Variants in PDE6A observed in about 807,000 individuals in gnomAD.
PDE6A encodes the protein rod cGMP-specific 3',5'-cyclic phosphodiesterase subunit alpha.
A neutral mutation model predicts 106.3 loss-of-function variants in PDE6A; 84 were observed. That is an observed-to-expected ratio of 0.79 (90% CI 0.66 to 0.95). The LOEUF (loss-of-function observed/expected upper bound fraction) is 0.95, where lower values mean the gene tolerates loss of function less well. Ranked by LOEUF, PDE6A falls within the 40% of genes least tolerant of loss-of-function variation. PDE6A has a pLI of 0.00. For synonymous variants in PDE6A, 394 were observed against 386.6 expected (o/e 1.02, Z -0.23); for missense variants, 1,052 against 1,084.9 (o/e 0.97, Z 0.43).
chr5:149,907,280 A>G (rs763318525), intron 7 of PDE6A, 32 bp downstream of exon 7: 1 of 1,532,796 alleles, frequency 6.5e-7, no homozygotes, highest in Admixed American at 1.7e-5. Flanking sequence ...ACGTGATCCA[A>G]AACTCTCCCC....
intron 13 of PDE6A, among the ~76,000 whole-genome samples, chr5:149,888,817 C>T (rs1334604892): frequency 6.6e-6 from 1 of 151,950 alleles, no homozygotes; most frequent in Admixed American, 6.6e-5. Context: ...GGTGCGGTGG[C>T]TCACGCCTGT....
intron 8 of PDE6A, 55 bp from the exon 9 acceptor site, chr5:149,899,579 G>C: frequency 6.4e-7 from 1 of 1,555,126 alleles, no homozygotes; most frequent in South Asian, 1.1e-5. Flanking sequence ...CAGAGGCAAC[G>C]ATGATAGATT....
At chr5:149,914,343 AG>A (rs1753486176) in intron 6 of PDE6A, among the ~76,000 whole-genome samples, 1 of 152,194 alleles carries the variant, frequency 6.6e-6, no homozygotes, top group South Asian at 2.1e-4. Context: ...GGATTTGGTC[AG>A]TGTTGATCTT....
In PDE6A at chr5:149,920,944, A is replaced by AG. The variant is rs1417579842; in HGVS notation, c.933+690_933+691insC. On this transcript the variant is annotated intron_variant, in intron 5 of 21. Transcript: ENST00000255266. ...AAGAAGAAAGAGAGAAAGAGAGAAA[A>AG]AGAAAGAAAGAAAGAAAGAAAGAAA... 4.0e-3 allele frequency among the ~76,000 whole-genome samples: 437 copies of AG among 109,598 alleles called. 3 individuals carry two copies. The highest frequency in any genetic ancestry group is 0.023 in the African/African-American group (397 of 17,396). The allele number at this position is 109,598 out of a possible 152,430, so 71.9% of individuals were successfully genotyped here.
chr5:149,931,923 A>G, intron 3 of PDE6A: 1 of 880,784 alleles, frequency 1.1e-6, no homozygotes, highest in Non-Finnish European at 1.8e-6. Context: ...AAAATGGCGT[A>G]CAATGAAGAG....
At chr5:149,924,012 T>C (rs1201441486) in intron 4 of PDE6A, among the ~76,000 whole-genome samples, 1 of 152,274 alleles carries the variant, frequency 6.6e-6, no homozygotes, top group South Asian at 2.1e-4. Flanking sequence ...GAGCTCTTTT[T>C]CTAGACTACC....
At chr5:149,929,734 G>T (rs1328051678) in intron 4 of PDE6A, among the ~76,000 whole-genome samples, 1 of 152,132 alleles carries the variant, frequency 6.6e-6, no homozygotes, top group Non-Finnish European at 1.5e-5. Context: ...AACGTCAGAT[G>T]GTGGTAACCT....
At chr5:149,883,645 A>G in intron 16 of PDE6A, 109 bp from the exon 17 acceptor site, 1 of 803,720 alleles carries the variant, frequency 1.2e-6, no homozygotes, top group East Asian at 2.7e-5. Flanking sequence ...AACAAAATTC[A>G]CAAAACAAGG....
chr5:149,860,019 C>G lies in PDE6A; in HGVS notation c.*876G>C, dbSNP rs760898022. On this transcript the variant is annotated 3_prime_UTR_variant, in exon 22 of 22. Coordinates refer to ENST00000255266, the MANE Select transcript of PDE6A (RefSeq NM_000440.3). ...TCCTGGGTTCAAGAGATCCTCTCACCTCTGCCTCCCAGGTAGCTGAGACTA... is the reference window on the plus strand; with the variant it reads ...TCCTGGGTTCAAGAGATCCTCTCACGTCTGCCTCCCAGGTAGCTGAGACTA... The G allele has an allele frequency of 1.3e-5, 2 of 152,190 alleles. No individual in the cohort carries two copies. The highest frequency in any genetic ancestry group is 1.5e-5 in the Non-Finnish European group (1 of 68,098). 9.4% of individuals were successfully genotyped at this position (152,190 alleles called of 1,614,324 possible). A position where few individuals can be genotyped will look rare whatever the true frequency, so the allele number is the denominator to read the frequency against.
chr5:149,928,714 T>C (rs1470018054), intron 4 of PDE6A, among the ~76,000 whole-genome samples: 1 of 152,146 alleles, frequency 6.6e-6, no homozygotes, highest in Non-Finnish European at 1.5e-5. Flanking sequence ...AATGTTGTTA[T>C]ATGGTGTGTG....
Position 149,884,584 on chromosome 5 carries a change from A to G in PDE6A, c.1927-5T>C, listed in dbSNP as rs772762362. ...GTTTTGAAAGATATTCAGGCTCTAA[A>G]GAAAAAAAGAGAAGCGAGATGGGAG... On this transcript the variant is annotated splice_region_variant and splice_polypyrimidine_tract_variant and intron_variant, in intron 15 of 21. Coordinates refer to ENST00000255266, the MANE Select transcript of PDE6A (RefSeq NM_000440.3). 3.1e-6 allele frequency: 5 copies of G among 1,608,580 alleles called. No individual in the cohort carries two copies. The East Asian group carries it at 1.1e-4, about 36-fold the overall frequency.
chr5:149,879,680 G>GT (rs527906246), intron 17 of PDE6A, among the ~76,000 whole-genome samples: 157 of 147,842 alleles, frequency 1.1e-3, no homozygotes, highest in African/African-American at 3.7e-3. Flanking sequence ...GTGGTGTTTG[G>GT]TTTTTTGTTC....
intron 1 of PDE6A, among the ~76,000 whole-genome samples, chr5:149,943,523 G>A (rs1375936599): frequency 1.3e-5 from 2 of 152,114 alleles, no homozygotes; most frequent in Non-Finnish European, 2.9e-5. Flanking sequence ...GTCTCCCTAT[G>A]TTGCACAAGC....
intron 1 of PDE6A, among the ~76,000 whole-genome samples, chr5:149,939,741 G>A (rs1754277899): frequency 1.3e-5 from 2 of 152,188 alleles, no homozygotes; most frequent in South Asian, 4.1e-4. Context: ...CTTTGAAAGT[G>A]ACAGAGTCCT....
chr5:149,896,614 G>A (rs1030185350), intron 11 of PDE6A, 97 bp downstream of exon 11: 9 of 1,613,610 alleles, frequency 5.6e-6, no homozygotes, highest in Non-Finnish European at 7.6e-6. Context: ...AGAACAGAGT[G>A]ATGGGGAACA....
At position 149,907,346 on chromosome 5, in the gene PDE6A, C is replaced by T; in HGVS notation, c.1031G>A (p.Ser344Asn). The T allele has an allele frequency of 6.2e-7, 1 of 1,614,072 alleles. No homozygotes were observed. Among genetic ancestry groups the T allele is most frequent in the Non-Finnish European group, 8.5e-7 (1 of 1,179,960 alleles). The change falls in exon 7 of 22, where the codon AGC (serine) becomes AAC (asparagine). Residue 344 changes from serine to asparagine, a missense_variant. Ser to Asn is a conservative substitution (Grantham distance 46). Transcript: ENST00000255266. ...CTGGGCAACATAAGCTGGGAGACCG[C>T]TTACTAAAGCCCAATGGTCAGGAGG... ...NPPPDHWALVSGLPAYVAQNG... is the reference protein window; with the variant it reads ...NPPPDHWALVNGLPAYVAQNG...
intron 5 of PDE6A, 92 bp downstream of exon 5, chr5:149,921,543 C>A: frequency 2.1e-6 from 2 of 951,956 alleles, no homozygotes; most frequent in Non-Finnish European, 3.4e-6. Flanking sequence ...AAGACAAATA[C>A]CTATATGCTA....
intron 5 of PDE6A, among the ~76,000 whole-genome samples, chr5:149,917,326 C>A (rs926622612): frequency 6.6e-6 from 1 of 152,072 alleles, no homozygotes; most frequent in African/African-American, 2.4e-5. Context: ...TGTTCCTTTA[C>A]TACAGGTATT....
chr5:149,931,102 C>CTT lies in PDE6A; in HGVS notation c.782_783dup (p.Ala262LysfsTer20). 1 of 1,614,114 alleles carries CTT rather than the reference C, an allele frequency of 6.2e-7. No homozygotes were observed. Among genetic ancestry groups the CTT allele is most frequent in the East Asian group, 2.2e-5 (1 of 44,884 alleles). ...AGGAAAGCACGGACTGTGTACAGGG[C>CTT]TTTGTGGAACTGTCGTTCGATGTCC... On this transcript the variant is annotated frameshift_variant, in exon 4 of 22. Coordinates refer to ENST00000255266, the MANE Select transcript of PDE6A (RefSeq NM_000440.3). LOFTEE classifies it high-confidence loss of function.
Sources: allele counts gnomAD v4.1 joint callset (sites outside exome capture counted in the v4.1 genomes callset), GRCh38; gene constraint gnomAD v4.1.1; transcripts MANE v1.5; gene names NCBI Gene and HGNC (gene_info 2026-07-23, HGNC 2026-07-21).